TRIM37: variants seen among roughly 807,000 people sequenced by gnomAD.
The protein encoded by TRIM37 is E3 ubiquitin-protein ligase TRIM37.
TRIM37 carries 80 observed loss-of-function variants against 129.8 expected under a neutral mutation model. The observed-to-expected ratio is 0.62, with a 90% CI of 0.51 to 0.74. The LOEUF (loss-of-function observed/expected upper bound fraction) is 0.74, where lower values mean the gene tolerates loss of function less well. TRIM37 is among the 30% of genes least tolerant of loss of function. TRIM37 has a pLI of 0.00. For missense variants in TRIM37, 1,054 were observed against 1,176.5 expected (o/e 0.90, Z 1.52); for synonymous variants, 389 against 387.1 (o/e 1.00, Z -0.06).
chr17:59,022,780 T>C (rs1395445482), intron 19 of TRIM37, among the ~76,000 whole-genome samples: 1 of 152,176 alleles, frequency 6.6e-6, no homozygotes, highest in Non-Finnish European at 1.5e-5. Context: ...GAAATACAGA[T>C]GTACAATAAA....
At chr17:59,056,752 AT>A in intron 13 of TRIM37, 122 bp downstream of exon 13, 8 of 367,748 alleles carry the variant, frequency 2.2e-5, no homozygotes, top group South Asian at 5.3e-5. Context: ...AAAAAAGGTG[AT>A]AAGGTTATAG....
chr17:59,036,445 G>GGGGTGT (rs1555656632), intron 17 of TRIM37, among the ~76,000 whole-genome samples: 4 of 117,542 alleles, frequency 3.4e-5, no homozygotes, highest in African/African-American at 1.4e-4. Context: ...GTATTTGCTG[G>GGGGTGT]GGGTGTGTGT....
chr17:58,982,732 A>G (rs1423331262), exon 25 of TRIM37: 2 of 531,418 alleles, frequency 3.8e-6, no homozygotes, highest in Non-Finnish European at 6.7e-6. Context: ...TTGATTTTGA[A>G]GTCATTTCTT....
At chr17:58,993,005 A>G (rs1304938214) in intron 24 of TRIM37, among the ~76,000 whole-genome samples, 3 of 151,966 alleles carry the variant, frequency 2.0e-5, no homozygotes, top group Non-Finnish European at 4.4e-5. Context: ...CCCAAATCTC[A>G]TCTTGAATTC....
At chr17:59,002,409 AT>A (rs1367653063) in intron 22 of TRIM37, among the ~76,000 whole-genome samples, 1 of 151,992 alleles carries the variant, frequency 6.6e-6, no homozygotes, top group Non-Finnish European at 1.5e-5. Flanking sequence ...TAATTTAAAA[AT>A]TTTTTGGAGG....
intron 8 of TRIM37, among the ~76,000 whole-genome samples, chr17:59,071,898 G>A (rs953937628): frequency 2.6e-5 from 4 of 152,150 alleles, no homozygotes; most frequent in Admixed American, 6.6e-5. Flanking sequence ...TGCTTACTTC[G>A]TGAAGTTTGT....
At chr17:59,080,964 A>G in intron 6 of TRIM37, 133 bp downstream of exon 6, 2 of 400,482 alleles carry the variant, frequency 5.0e-6, no homozygotes, top group Non-Finnish European at 7.4e-6. Context: ...GAATTTGACT[A>G]TAGGTACAGC....
rs77336819 is a variant in TRIM37, at chr17:59,081,403, C to T, written c.370-184G>A. On this transcript the variant is annotated intron_variant, in intron 5 of 23. Transcript: ENST00000262294. ...TAAAATCACTTGGTCCAAGTAGGAA[C>T]TCTTTCAAGATTATAAATAAAGGGC... Among the ~76,000 whole-genome samples, 6,359 of 152,236 alleles carry T rather than the reference C, an allele frequency of 0.042. 174 individuals carry two copies. The highest frequency in any genetic ancestry group is 0.059 in the Non-Finnish European group (4,020 of 68,020).
intron 22 of TRIM37, among the ~76,000 whole-genome samples, chr17:59,002,656 A>G (rs2033926572): frequency 6.6e-6 from 1 of 152,240 alleles, no homozygotes; most frequent in Non-Finnish European, 1.5e-5. Context: ...GATAAAATAT[A>G]AATGTAAAAC....
chr17:59,071,661 G>A lies in TRIM37; in HGVS notation c.685-714C>T, dbSNP rs185517385. Among the ~76,000 whole-genome samples, 17 of 152,074 alleles carry A rather than the reference G, an allele frequency of 1.1e-4. No homozygotes were observed. In the East Asian group the frequency reaches 1.4e-3, roughly 12 times the overall value. ...ATACAAAACGTACACACATACACCC[G>A]TGTGTACACACACACACACGCACTA... On this transcript the variant is annotated intron_variant, in intron 8 of 23. Coordinates refer to ENST00000262294, the MANE Select transcript of TRIM37 (RefSeq NM_015294.6).
chr17:59,001,725 GGAA>G lies in TRIM37; in HGVS notation c.2696-14_2696-12del. On this transcript the variant is annotated splice_polypyrimidine_tract_variant and intron_variant, in intron 22 of 23. Coordinates refer to ENST00000262294, the MANE Select transcript of TRIM37 (RefSeq NM_015294.6). Reference sequence around the variant, plus strand: ...TGTCGCTACTCATTCCTGGCAGGAAGGAAGGAGAACATGTTTCTGAAAAGAAAC... The same window carrying G: ...TGTCGCTACTCATTCCTGGCAGGAAGGGAGAACATGTTTCTGAAAAGAAAC... The G allele has an allele frequency of 6.2e-7, 1 of 1,613,824 alleles. No homozygotes were observed. Among genetic ancestry groups the G allele is most frequent in the Non-Finnish European group, 8.5e-7 (1 of 1,179,934 alleles).
intron 11 of TRIM37, among the ~76,000 whole-genome samples, chr17:59,061,343 G>A (rs1039899406): frequency 2.0e-5 from 3 of 150,802 alleles, no homozygotes; most frequent in African/African-American, 7.3e-5. Flanking sequence ...CCACAACAAA[G>A]GTTAAGAGTT....
At chr17:59,057,781 C>T (rs1322431303) in intron 12 of TRIM37, among the ~76,000 whole-genome samples, 3 of 152,174 alleles carry the variant, frequency 2.0e-5, no homozygotes, top group Non-Finnish European at 4.4e-5. Context: ...TCCTTGACCT[C>T]CCAAAGGGCT....
chr17:59,030,354 G>A (rs1317085184), intron 18 of TRIM37, among the ~76,000 whole-genome samples: 7 of 152,122 alleles, frequency 4.6e-5, no homozygotes, highest in Non-Finnish European at 7.4e-5. Context: ...TGATCCACCC[G>A]CCTCAGCCTC....
At chr17:59,002,027 GT>G (rs529427294) in intron 22 of TRIM37, among the ~76,000 whole-genome samples, 88 of 148,408 alleles carry the variant, frequency 5.9e-4, no homozygotes, top group Admixed American at 1.6e-3. Flanking sequence ...ATCAAACACT[GT>G]TTTTTTTTCA....
At chr17:59,043,383 A>T (rs1307229475) in intron 16 of TRIM37, among the ~76,000 whole-genome samples, 2 of 152,226 alleles carry the variant, frequency 1.3e-5, no homozygotes, top group Non-Finnish European at 2.9e-5. Context: ...ACTCAAAAAA[A>T]TCTATAAAAA....
intron 8 of TRIM37, among the ~76,000 whole-genome samples, chr17:59,072,865 G>A (rs1307676802): frequency 1.3e-5 from 2 of 152,044 alleles, no homozygotes; most frequent in African/African-American, 4.8e-5. Context: ...ATAATGGTAA[G>A]TGGTAACAGC....
intron 23 of TRIM37, 33 bp downstream of exon 23, chr17:59,001,565 G>A: frequency 6.2e-7 from 1 of 1,613,334 alleles, no homozygotes; most frequent in South Asian, 1.1e-5. Flanking sequence ...GGTGGTTTTA[G>A]TAATCTGTGT....
intron 2 of TRIM37, among the ~76,000 whole-genome samples, chr17:59,099,494 C>T (rs2045253814): frequency 6.6e-6 from 1 of 151,256 alleles, no homozygotes; most frequent in Non-Finnish European, 1.5e-5. Context: ...TTAAAGACAC[C>T]GAACTGTACC....
Sources: gnomAD v4.1 joint callset for allele counts (sites outside exome capture counted in the v4.1 genomes callset) on GRCh38, gnomAD v4.1.1 for gene constraint, MANE v1.5 for transcripts, NCBI Gene and HGNC (gene_info 2026-07-23, HGNC 2026-07-21) for gene names.